PCDH11X: variants seen among roughly 807,000 people sequenced by gnomAD.
PCDH11X encodes the protein protocadherin-11 X-linked.
PCDH11X carries 18 observed loss-of-function variants against 53.3 expected under a neutral mutation model. That is an observed-to-expected ratio of 0.34 (90% confidence interval 0.23 to 0.50). The LOEUF is 0.50. PCDH11X is among the 20% of genes least tolerant of loss of function. The probability of loss-of-function intolerance (pLI) is 0.98; values close to 1 mark genes in which losing one functional copy is unlikely to be tolerated. For missense variants in PCDH11X, 570 were observed against 1,032.4 expected, an observed-to-expected ratio of 0.55 and a Z score of 6.14; for synonymous variants, 279 against 393.3, an observed-to-expected ratio of 0.71 and a Z score of 3.44.
intron 10 of PCDH11X, among the ~76,000 whole-genome samples, chrX:92,480,504 T>C (rs938060112): frequency 9.1e-6 from 1 of 109,766 alleles, no homozygotes. Context: ...TCTTCGAAGT[T>C]GCTGTTTTGT....
intron 8 of PCDH11X, among the ~76,000 whole-genome samples, chrX:92,280,022 A>G (rs1264324764): frequency 8.9e-6 from 1 of 112,027 alleles, no homozygotes; most frequent in African/African-American, 3.2e-5. Flanking sequence ...AATAGCTACC[A>G]TTGTGTTACA....
In PCDH11X at chrX:92,507,118, T is replaced by C. The variant is rs1401313512; in HGVS notation, c.3367+38796T>C. 2.7e-5 allele frequency among the ~76,000 whole-genome samples: 3 copies of C among 110,780 alleles called. No individual in the cohort carries two copies. The Admixed American group carries it at 2.9e-4, about 11-fold the overall frequency. On this transcript the variant is annotated intron_variant, in intron 10 of 10. Transcript: ENST00000682573. ...CTTATTTGTATCTTCCCTCTTTTTT[T>C]CTTTGAGTCTAGCTAGTAATCCTTC... is the stretch of plus-strand genomic sequence containing the variant.
At chrX:92,086,545 C>A (rs1401337002) in intron 6 of PCDH11X, among the ~76,000 whole-genome samples, 3 of 111,169 alleles carry the variant, frequency 2.7e-5, no homozygotes, top group African/African-American at 9.8e-5. Flanking sequence ...ACTATCTGTA[C>A]CTCAAAGAAG....
intron 7 of PCDH11X, among the ~76,000 whole-genome samples, chrX:92,236,682 T>C: frequency 8.9e-6 from 1 of 111,784 alleles, no homozygotes; most frequent in East Asian, 2.8e-4. Context: ...ATCATACTGG[T>C]GATTGTGGCC....
chrX:92,323,929 T>C (rs905323260), intron 8 of PCDH11X, among the ~76,000 whole-genome samples: 1 of 109,175 alleles, frequency 9.2e-6, no homozygotes, highest in African/African-American at 3.3e-5. Flanking sequence ...TCCAGGAAAA[T>C]TAATTCTGTT....
At chrX:91,927,898 G>T (rs1382088553) in intron 6 of PCDH11X, among the ~76,000 whole-genome samples, 1 of 111,050 alleles carries the variant, frequency 9.0e-6, no homozygotes. Context: ...ATTCACAAGG[G>T]TGTGGAGGAG....
At chrX:92,048,962 T>G (rs902173552) in intron 6 of PCDH11X, among the ~76,000 whole-genome samples, 7 of 112,288 alleles carry the variant, frequency 6.2e-5, no homozygotes, top group Non-Finnish European at 1.1e-4. Context: ...TTGGTAAATT[T>G]AAACATTTTC....
intron 10 of PCDH11X, among the ~76,000 whole-genome samples, chrX:92,558,305 A>C (rs748947916): frequency 4.8e-4 from 53 of 111,287 alleles, no homozygotes; most frequent in South Asian, 3.8e-3. Context: ...GTGCCCAGAC[A>C]TATTGTAGAA....
chrX:92,148,129 TCTTTTTCC>T (rs2065352747), intron 6 of PCDH11X, among the ~76,000 whole-genome samples: 53 of 9,510 alleles, frequency 5.6e-3, no homozygotes, highest in South Asian at 8.0e-3. Context: ...TTTCTTTCTT[TCTTTTTCC>T]TTCCTTCCTT....
intron 1 of PCDH11X, among the ~76,000 whole-genome samples, chrX:91,788,041 C>T (rs1418277064): frequency 3.6e-5 from 4 of 111,579 alleles, no homozygotes; most frequent in Admixed American, 9.5e-5. Flanking sequence ...ATGAGTGCTA[C>T]AGGAGTTCAT....
chrX:92,053,639 C>T lies in PCDH11X; in HGVS notation c.3034-147736C>T, dbSNP rs1436924997. On this transcript the variant is annotated intron_variant, in intron 6 of 10. Transcript: ENST00000682573. Reference sequence around the variant, plus strand: ...AGGCTGGAGTACAGTGGCACAATCTCGGCTCACTGCAGCCTCTGCCGCCCG... The same window carrying T: ...AGGCTGGAGTACAGTGGCACAATCTTGGCTCACTGCAGCCTCTGCCGCCCG... 1.1e-4 allele frequency among the ~76,000 whole-genome samples: 12 copies of T among 106,439 alleles called. No homozygotes were observed. In the East Asian group the frequency reaches 2.4e-3, roughly 21 times the overall value. The allele number at this position is 106,439 out of a possible 115,157, so 92.4% of individuals were successfully genotyped here.
intron 6 of PCDH11X, among the ~76,000 whole-genome samples, chrX:91,914,801 T>C (rs929137513): frequency 1.8e-5 from 2 of 112,068 alleles, no homozygotes; most frequent in African/African-American, 6.5e-5. Flanking sequence ...AAGAGAAATC[T>C]AAAAATTTGG....
At chrX:92,399,707 C>T (rs941392746) in intron 9 of PCDH11X, among the ~76,000 whole-genome samples, 8 of 109,136 alleles carry the variant, frequency 7.3e-5, no homozygotes, top group African/African-American at 2.7e-4. Context: ...CAAATGTGTA[C>T]ATGCACACAA....
chrX:92,256,180 G>A, intron 7 of PCDH11X, among the ~76,000 whole-genome samples: 1 of 111,754 alleles, frequency 8.9e-6, no homozygotes, highest in Middle Eastern at 4.2e-3. Flanking sequence ...TATTCGGGTG[G>A]GAGTGACCCG....
Position 91,970,697 on chromosome X carries a change from A to C in PCDH11X, c.3033+91424A>C, listed in dbSNP as rs1005382619. The stretch of plus-strand genomic sequence containing the variant: ...CCTCATAGTGCAGCCGCTCCTAGGC[A>C]CTGAATAAAGTTAGTTCTGATGATT... On this transcript the variant is annotated intron_variant, in intron 6 of 10. Coordinates refer to ENST00000682573, the MANE Select transcript of PCDH11X (RefSeq NM_032968.5). Among the ~76,000 whole-genome samples the C allele has an allele frequency of 9.8e-5, 11 of 112,011 alleles. No individual in the cohort carries two copies. In the South Asian group the frequency reaches 1.5e-3, roughly 15 times the overall value.
chrX:92,093,209 T>A (rs959477704), intron 6 of PCDH11X, among the ~76,000 whole-genome samples: 8 of 111,753 alleles, frequency 7.2e-5, no homozygotes, highest in African/African-American at 3.3e-5. Flanking sequence ...AACAGACTGT[T>A]ACAAGGTGTA....
chrX:92,321,527 G>A lies in PCDH11X; in HGVS notation c.3144+58384G>A, dbSNP rs181694410. Among the ~76,000 whole-genome samples the A allele has an allele frequency of 7.5e-3, 840 of 111,370 alleles. 10 individuals are homozygous for A. Among genetic ancestry groups the A allele is most frequent in the African/African-American group, 0.026 (803 of 30,637 alleles). ...TTGTTTTAATATTGCTTATCTCATGGCCAGTGCTTGTTTAGCTGCTAGAGA... is the reference window on the plus strand; with the variant it reads ...TTGTTTTAATATTGCTTATCTCATGACCAGTGCTTGTTTAGCTGCTAGAGA... On this transcript the variant is annotated intron_variant, in intron 8 of 10. Coordinates refer to ENST00000682573, the MANE Select transcript of PCDH11X (RefSeq NM_032968.5).
rs776592426 is a variant in PCDH11X, at chrX:92,048,534, C to A, written c.3034-152841C>A. On this transcript the variant is annotated intron_variant, in intron 6 of 10. Coordinates refer to ENST00000682573, the MANE Select transcript of PCDH11X (RefSeq NM_032968.5). The stretch of plus-strand genomic sequence containing the variant: ...TTAATTACTGAAAAAGAATATACTT[C>A]GTTCTTTTTACATAGCTACTTATCA... Among the ~76,000 whole-genome samples the A allele has an allele frequency of 5.4e-5, 6 of 110,699 alleles. No individual in the cohort carries two copies. In the East Asian group the frequency reaches 1.7e-3, roughly 32 times the overall value.
intron 6 of PCDH11X, among the ~76,000 whole-genome samples, chrX:92,158,730 G>A (rs1177546872): frequency 9.1e-6 from 1 of 110,088 alleles, no homozygotes; most frequent in East Asian, 2.9e-4. Context: ...CCGCCTCCTA[G>A]GTTTAAGCGA....
Sources: allele counts gnomAD v4.1 joint callset (sites outside exome capture counted in the v4.1 genomes callset), GRCh38; gene constraint gnomAD v4.1.1; transcripts MANE v1.5; gene names NCBI Gene and HGNC (gene_info 2026-07-23, HGNC 2026-07-21).